Variants in NSMF observed in about 807,000 individuals in gnomAD.
NSMF encodes the protein NMDA receptor synaptonuclear signaling and neuronal migration factor.
In NSMF, 31 loss-of-function variants were observed where a neutral mutation model predicts 71.0. The ratio of observed to expected loss-of-function variants is 0.44; its 90% confidence interval spans 0.33 to 0.59. NSMF has a LOEUF of 0.59. Ranked by LOEUF, NSMF falls within the 20% of genes least tolerant of loss-of-function variation. NSMF has a pLI of 0.04. For missense variants in NSMF, 673 were observed against 740.5 expected (o/e 0.91, Z 1.06); for synonymous variants, 345 against 287.1 (o/e 1.20, Z -2.04).
chr9:137,455,604 G>C (rs1830792866), intron 5 of NSMF, 25 bp downstream of exon 5: 4 of 1,549,946 alleles, frequency 2.6e-6, no homozygotes, highest in Non-Finnish European at 3.5e-6. Context: ...TGTGCCCTTA[G>C]GCACCAAGTC....
At chr9:137,458,440 T>C (rs1193819274) in intron 2 of NSMF, 48 bp downstream of exon 2, 2 of 1,504,684 alleles carry the variant, frequency 1.3e-6, no homozygotes, top group South Asian at 2.4e-5. Flanking sequence ...CAGCATCCCT[T>C]GGGCTGGGGG....
At position 137,453,769 on chromosome 9, in the gene NSMF, G is replaced by A. The variant is rs1200371734; in HGVS notation, c.884C>T (p.Thr295Ile). 2 of 1,601,708 alleles carry A rather than the reference G, an allele frequency of 1.2e-6. No homozygotes were observed. Among genetic ancestry groups the A allele is most frequent in the South Asian group, 2.2e-5 (2 of 90,356 alleles). ...RSFSRSWSDPTPMKADTSHDS... is the reference protein window; with the variant it reads ...RSFSRSWSDPIPMKADTSHDS... ...GTGGGAAGTGTCGGCTTTCATGGGG[G>A]TGGGGTCGCTCCAGGACCGGCTGAA... The change falls in exon 8 of 16, where the codon ACC becomes ATC. Residue 295 changes from threonine (T) to isoleucine (I), a missense_variant. This residue lies in a region of NSMF where 471 missense variants were observed against 459.6 expected (regional missense o/e 1.02). Coordinates refer to ENST00000371475, the MANE Select transcript of NSMF (RefSeq NM_001130969.3). This position sits in a 1 kb window ranked among gnomAD's most constrained non-coding sequence, Gnocchi z 4.5.
chr9:137,455,160 T>C (rs1322360761), intron 6 of NSMF, 79 bp downstream of exon 6: 7 of 1,483,036 alleles, frequency 4.7e-6, no homozygotes, highest in Non-Finnish European at 6.6e-6. Context: ...CCATCAGGTC[T>C]GCCAGGGCCG....
chr9:137,452,982 A>C, intron 9 of NSMF, 74 bp downstream of exon 9: 2 of 1,604,846 alleles, frequency 1.2e-6, no homozygotes, highest in South Asian at 2.2e-5. Flanking sequence ...GGTCCCAGGC[A>C]GAGCTGGCTG....
Position 137,459,148 on chromosome 9 carries a change from G to T in NSMF, c.-46C>A. 3 of 1,038,908 alleles carry T rather than the reference G, an allele frequency of 2.9e-6. No homozygotes were observed. Among genetic ancestry groups the T allele is most frequent in the Non-Finnish European group, 3.5e-6 (3 of 864,680 alleles). 64.4% of individuals were successfully genotyped at this position (1,038,908 alleles called of 1,614,324 possible). A position where few individuals can be genotyped will look rare whatever the true frequency, so the allele number is the denominator to read the frequency against. Reference sequence around the variant, plus strand: ...CCCCGGGCCTCAGAGCGCGCCCCGCGCCCGCCGCCTCCGCCGGGGTAGCCG... The same window carrying T: ...CCCCGGGCCTCAGAGCGCGCCCCGCTCCCGCCGCCTCCGCCGGGGTAGCCG... On this transcript the variant is annotated 5_prime_UTR_variant, in exon 1 of 16. Transcript: ENST00000371475.
chr9:137,459,103 G>A lies in NSMF; in HGVS notation c.-1C>T. The stretch of plus-strand genomic sequence containing the variant: ...TCCTCCTGGAGGCGGCGGCGCCCAT[G>A]GTCGAGGCGGCGGCGCATCCCCCGG... On this transcript the variant is annotated 5_prime_UTR_variant, in exon 1 of 16. Transcript: ENST00000371475. The A allele has an allele frequency of 1.6e-6, 2 of 1,238,982 alleles. No homozygotes were observed. Among genetic ancestry groups the A allele is most frequent in the Non-Finnish European group, 2.0e-6 (2 of 987,900 alleles). The allele number at this position is 1,238,982 out of a possible 1,614,324, so 76.7% of individuals were successfully genotyped here. A position where few individuals can be genotyped will look rare whatever the true frequency, so the allele number is the denominator to read the frequency against.
In NSMF at chr9:137,449,454, C is replaced by T. The variant is rs754697849; in HGVS notation, c.1533G>A (p.Leu511=). The change falls in exon 16 of 16, where the codon TTG becomes TTA. Residue 511 remains leucine, a synonymous_variant. Coordinates refer to ENST00000371475, the MANE Select transcript of NSMF (RefSeq NM_001130969.3). ...GCTGGCGGCTCTTCCACAGGCGATACAACCGGAAGTCAAAGTACGTCTCGA... is the reference window on the plus strand; with the variant it reads ...GCTGGCGGCTCTTCCACAGGCGATATAACCGGAAGTCAAAGTACGTCTCGA... ...QMIETYFDFR[L]YRLWKSRQHS... is the part of the protein sequence containing the mutation. The T allele has an allele frequency of 6.2e-6, 10 of 1,612,830 alleles. No individual in the cohort carries two copies. The African/African-American group carries it at 1.3e-4, about 22-fold the overall frequency.
chr9:137,459,085 G>A lies in NSMF; in HGVS notation c.18C>T (p.Ser6=). The A allele has an allele frequency of 4.8e-6, 6 of 1,259,488 alleles. No individual in the cohort carries two copies. The highest frequency in any genetic ancestry group is 3.3e-5 in the East Asian group (1 of 30,470). The allele number at this position is 1,259,488 out of a possible 1,614,324, so 78.0% of individuals were successfully genotyped here. A position where few individuals can be genotyped will look rare whatever the true frequency, so the allele number is the denominator to read the frequency against. The stretch of plus-strand genomic sequence containing the variant: ...CCTCGCTCCTCAGCGCCCTCCTCCT[G>A]GAGGCGGCGGCGCCCATGGTCGAGG... The part of the protein sequence containing the change: MGAAA[S]RRRALRSEAM... Residue 6 remains serine, a synonymous_variant, in exon 1 of 16, where the codon TCC becomes TCT. Coordinates refer to ENST00000371475, the MANE Select transcript of NSMF (RefSeq NM_001130969.3).
chr9:137,452,853 G>GT, intron 9 of NSMF, 34 bp from the exon 10 acceptor site: 1 of 1,579,312 alleles, frequency 6.3e-7, no homozygotes, highest in Non-Finnish European at 8.6e-7. Context: ...GGGGCCCCAG[G>GT]CCCATCCAAA....
chr9:137,453,141 G>A lies in NSMF; in HGVS notation c.962C>T (p.Ala321Val), dbSNP rs1441467918. ...LQSSHCTLDEAFEDLDWDTEK... is the reference protein window; with the variant it reads ...LQSSHCTLDEVFEDLDWDTEK... ...AGTGTCCCAGTCCAGGTCCTCGAAG[G>A]CCTCGTCCAGCGTGCAGTGGGAGCT... is the stretch of plus-strand genomic sequence containing the variant. Residue 321 changes from alanine (A) to valine (V), a missense_variant, in exon 9 of 16, where the codon GCC becomes GTC. Ala to Val is a moderately conservative substitution (Grantham distance 64). Transcript: ENST00000371475. This position sits in a 1 kb window ranked among gnomAD's most constrained non-coding sequence, Gnocchi z 4.5. 6.2e-7 allele frequency: 1 copy of A among 1,612,570 alleles called. No homozygotes were observed. The highest frequency in any genetic ancestry group is 2.2e-5 in the East Asian group (1 of 44,894).
Position 137,448,982 on chromosome 9 carries a change from C to T in NSMF, c.*412G>A, listed in dbSNP as rs970966374. On this transcript the variant is annotated 3_prime_UTR_variant, in exon 16 of 16. Coordinates refer to ENST00000371475, the MANE Select transcript of NSMF (RefSeq NM_001130969.3). The surrounding 1 kb of genome is among the most constrained non-coding windows in gnomAD (Gnocchi z 5.3). ...CATGTGGGCTGCTGGGCTGCTGGGC[C>T]GGGGTGCCTACACTGTAACTAGCAG... The T allele has an allele frequency of 1.8e-5, 6 of 325,820 alleles. No homozygotes were observed. Among genetic ancestry groups the T allele is most frequent in the East Asian group, 8.3e-5 (1 of 12,070 alleles). 20.2% of individuals were successfully genotyped at this position (325,820 alleles called of 1,614,324 possible).
chr9:137,454,671 C>A, intron 6 of NSMF: 1 of 1,527,430 alleles, frequency 6.5e-7, no homozygotes, highest in Non-Finnish European at 8.8e-7. Flanking sequence ...AGGTGCAGTG[C>A]CTGGCGCTCT....
At position 137,452,440 on chromosome 9, in the gene NSMF, G is replaced by C. The variant is rs1258744754; in HGVS notation, c.1166-5C>G. On this transcript the variant is annotated splice_polypyrimidine_tract_variant and splice_region_variant and intron_variant, in intron 11 of 15. Transcript: ENST00000371475. The stretch of plus-strand genomic sequence containing the variant: ...TCAGCTTCCTCTCTATCTCCTCTGT[G>C]GGAGAGCGGGTGTGAGTGCTGCGGC... The C allele has an allele frequency of 1.2e-6, 2 of 1,612,278 alleles. No homozygotes were observed. The highest frequency in any genetic ancestry group is 1.7e-6 in the Non-Finnish European group (2 of 1,179,790).
intron 9 of NSMF, 51 bp from the exon 10 acceptor site, chr9:137,452,870 G>C: frequency 6.4e-7 from 1 of 1,562,884 alleles, no homozygotes. Flanking sequence ...CAAAAGCCAA[G>C]GGGCTGTGGG....
intron 13 of NSMF, 26 bp from the exon 14 acceptor site, chr9:137,450,051 G>A (rs773349233): frequency 6.2e-7 from 1 of 1,604,500 alleles, no homozygotes; most frequent in African/African-American, 1.3e-5. Flanking sequence ...GGGTCACCCA[G>A]TGGCAGGGGA....
At chr9:137,451,155 CTG>C (rs1830503299) in intron 12 of NSMF, among the ~76,000 whole-genome samples, 1 of 31,072 alleles carries the variant, frequency 3.2e-5, no homozygotes, top group Non-Finnish European at 6.8e-5. Context: ...TCCCCTTGTT[CTG>C]CCCTCCACGC....
chr9:137,457,286 C>T, intron 3 of NSMF, 121 bp downstream of exon 3: 1 of 1,407,680 alleles, frequency 7.1e-7, no homozygotes, highest in Non-Finnish European at 1.0e-6. Flanking sequence ...CTTGAGTCCG[C>T]TGGCATGCTG....
In NSMF at chr9:137,453,888, G is replaced by T; in HGVS notation, c.833-68C>A. On this transcript the variant is annotated intron_variant, in intron 7 of 15. Transcript: ENST00000371475. The surrounding 1 kb of genome is among the most constrained non-coding windows in gnomAD (Gnocchi z 4.5). Reference sequence around the variant, plus strand: ...GCCTCGGGAGTCTCAGACCCCAGGCGAGGGGACCACAGGGGCCCTGGGCAG... The same window carrying T: ...GCCTCGGGAGTCTCAGACCCCAGGCTAGGGGACCACAGGGGCCCTGGGCAG... The T allele has an allele frequency of 1.5e-6, 2 of 1,371,182 alleles. No individual in the cohort carries two copies. The highest frequency in any genetic ancestry group is 2.0e-6 in the Non-Finnish European group (2 of 998,126). 84.9% of individuals were successfully genotyped at this position (1,371,182 alleles called of 1,614,324 possible).
At position 137,450,089 on chromosome 9, in the gene NSMF, G is replaced by A. The variant is rs73565598; in HGVS notation, c.1317-64C>T. Reference sequence around the variant, plus strand: ...GGCACCCCACTCCACAGAGCGGACCGTGGAGGAGGGGCTGTGGGGGAGGGA... The same window carrying A: ...GGCACCCCACTCCACAGAGCGGACCATGGAGGAGGGGCTGTGGGGGAGGGA... On this transcript the variant is annotated intron_variant, in intron 13 of 15. Transcript: ENST00000371475. 1.8e-3 allele frequency: 2,892 copies of A among 1,583,056 alleles called. 33 individuals carry two copies. The African/African-American group carries it at 0.023, about 13-fold the overall frequency.
Sources: allele counts gnomAD v4.1 joint callset (sites outside exome capture counted in the v4.1 genomes callset), GRCh38; gene constraint gnomAD v4.1.1; regional missense constraint gnomAD v4.1.1; non-coding constraint Gnocchi (gnomAD v3.1); transcripts MANE v1.5; gene names NCBI Gene and HGNC (gene_info 2026-07-23, HGNC 2026-07-21).